The following PTPRM variants were observed in gnomAD, a reference collection of about 807,000 sequenced individuals.
PTPRM encodes protein tyrosine phosphatase receptor type M.
In PTPRM, 47 loss-of-function variants were observed where a neutral mutation model predicts 186.7. The ratio of observed to expected loss-of-function variants is 0.25; its 90% CI spans 0.20 to 0.32. The LOEUF (loss-of-function observed/expected upper bound fraction) is 0.32. Among genes scored for constraint, PTPRM ranks in the 10% least tolerant of loss-of-function variants. PTPRM has a pLI of 1.00. For missense variants in PTPRM, 1,494 were observed against 1,865.0 expected (o/e 0.80, Z 3.66); for synonymous variants, 668 against 674.9 (o/e 0.99, Z 0.16).
At chr18:7,617,072 G>T (rs950652439) in intron 1 of PTPRM, among the ~76,000 whole-genome samples, 1 of 152,154 alleles carries the variant, frequency 6.6e-6, no homozygotes, top group African/African-American at 2.4e-5. Flanking sequence ...CTTAGAAATA[G>T]AATTCACAGC....
At chr18:7,967,748 T>C (rs974420721) in intron 7 of PTPRM, among the ~76,000 whole-genome samples, 2 of 107,728 alleles carry the variant, frequency 1.9e-5, no homozygotes. Flanking sequence ...AGAAGGGAAG[T>C]TTAGAGAAAA....
At chr18:7,912,208 T>C (rs898022356) in intron 4 of PTPRM, among the ~76,000 whole-genome samples, 1 of 152,210 alleles carries the variant, frequency 6.6e-6, no homozygotes, top group African/African-American at 2.4e-5. Flanking sequence ...TATTTGTGTA[T>C]GCTGTAAGAA....
At chr18:8,192,675 G>A (rs760115850) in intron 14 of PTPRM, among the ~76,000 whole-genome samples, 9 of 152,084 alleles carry the variant, frequency 5.9e-5, no homozygotes, top group Non-Finnish European at 1.2e-4. Context: ...TGTAATGCCA[G>A]GAAATAAATG....
chr18:7,809,143 G>A (rs374747811), intron 2 of PTPRM, among the ~76,000 whole-genome samples: 1 of 152,264 alleles, frequency 6.6e-6, no homozygotes, highest in Non-Finnish European at 1.5e-5. Flanking sequence ...TTCCCATGAG[G>A]CTTCTAGCCT....
Position 7,926,697 on chromosome 18 carries a change from T to G in PTPRM, c.663+14T>G, listed in dbSNP as rs767442253. 1.3e-6 allele frequency: 2 copies of G among 1,593,968 alleles called. No individual in the cohort carries two copies. The highest frequency in any genetic ancestry group is 2.2e-5 in the South Asian group (2 of 89,046). On this transcript the variant is annotated intron_variant, in intron 5 of 32. Coordinates refer to ENST00000580170, the MANE Select transcript of PTPRM (RefSeq NM_001105244.2). The stretch of plus-strand genomic sequence containing the variant: ...CTCTGGTTACAGGTACAGTAACTCA[T>G]TTTCATCAGTTGATGAGAGTCCAGC...
intron 7 of PTPRM, among the ~76,000 whole-genome samples, chr18:7,982,906 A>G (rs2147472970): frequency 6.6e-6 from 1 of 152,176 alleles, no homozygotes; most frequent in South Asian, 2.1e-4. Flanking sequence ...AGCTTCTACA[A>G]GGATTGTGAG....
intron 13 of PTPRM, among the ~76,000 whole-genome samples, chr18:8,126,792 A>T (rs2145887027): frequency 6.6e-6 from 1 of 152,302 alleles, no homozygotes. Context: ...TTTACTGAAC[A>T]TTAGCTTAGT....
At chr18:7,958,207 CAAAAAAA>C (rs534178363) in intron 7 of PTPRM, among the ~76,000 whole-genome samples, 104 of 115,278 alleles carry the variant, frequency 9.0e-4, no homozygotes, top group Admixed American at 2.7e-4. Flanking sequence ...CCATCCCCTG[CAAAAAAA>C]AAAAAAAAAA....
intron 22 of PTPRM, among the ~76,000 whole-genome samples, chr18:8,330,899 A>T (rs1005156758): frequency 2.0e-5 from 3 of 152,104 alleles, no homozygotes; most frequent in Admixed American, 1.3e-4. Context: ...GGTCTGTCCC[A>T]GGGATCAGGG....
intron 1 of PTPRM, among the ~76,000 whole-genome samples, chr18:7,769,114 C>T (rs749195558): frequency 5.9e-5 from 9 of 152,070 alleles, no homozygotes; most frequent in Admixed American, 1.3e-4. Flanking sequence ...GAACTCTGTT[C>T]ATTAACTTCC....
At chr18:7,820,052 T>G (rs1159304634) in intron 2 of PTPRM, among the ~76,000 whole-genome samples, 1 of 152,206 alleles carries the variant, frequency 6.6e-6, no homozygotes, top group Non-Finnish European at 1.5e-5. Flanking sequence ...TAAATACTTT[T>G]GCTTTATCTT....
chr18:7,911,485 T>G (rs1320909997), intron 4 of PTPRM, among the ~76,000 whole-genome samples: 7 of 152,254 alleles, frequency 4.6e-5, no homozygotes, highest in Non-Finnish European at 1.0e-4. Flanking sequence ...TGACTAATGA[T>G]GTTGAGCATC....
intron 11 of PTPRM, among the ~76,000 whole-genome samples, chr18:8,106,955 C>T (rs541538873): frequency 9.5e-4 from 145 of 152,186 alleles, no homozygotes; most frequent in African/African-American, 3.3e-3. Context: ...TGGAACTTTT[C>T]GGGACTGAAA....
intron 2 of PTPRM, among the ~76,000 whole-genome samples, chr18:7,834,630 T>C (rs2045943002): frequency 6.6e-6 from 1 of 150,560 alleles, no homozygotes; most frequent in African/African-American, 2.4e-5. Context: ...AAAGAATGAG[T>C]TTGGAAGTAC....
At chr18:7,600,239 A>AAATGAGGT (rs1422868012) in intron 1 of PTPRM, among the ~76,000 whole-genome samples, 1 of 152,206 alleles carries the variant, frequency 6.6e-6, no homozygotes. Flanking sequence ...TGCGAGGACC[A>AAATGAGGT]AATGAGGTAA....
At chr18:8,086,009 ACTCACAGC>A in intron 10 of PTPRM, 137 bp downstream of exon 10, 1 of 790,662 alleles carries the variant, frequency 1.3e-6, no homozygotes, top group Non-Finnish European at 2.1e-6. Flanking sequence ...TGAAGCTCAG[ACTCACAGC>A]TTTAAATGAA....
intron 19 of PTPRM, among the ~76,000 whole-genome samples, chr18:8,254,463 G>A (rs2094556227): frequency 6.6e-6 from 1 of 152,198 alleles, no homozygotes; most frequent in African/African-American, 2.4e-5. Context: ...CGCAGTCATT[G>A]ATGAAGTTAA....
intron 3 of PTPRM, among the ~76,000 whole-genome samples, chr18:7,905,130 A>G (rs1438810625): frequency 6.6e-6 from 1 of 152,126 alleles, no homozygotes; most frequent in Non-Finnish European, 1.5e-5. Context: ...AGTAGCTGGG[A>G]TTACAGGCGT....
At chr18:7,684,600 T>A (rs1278147760) in intron 1 of PTPRM, among the ~76,000 whole-genome samples, 4 of 152,226 alleles carry the variant, frequency 2.6e-5, no homozygotes, top group Non-Finnish European at 5.9e-5. Context: ...CATACGCTAT[T>A]TGTCCTTTTG....
Sources: gnomAD v4.1 joint callset for allele counts (sites outside exome capture counted in the v4.1 genomes callset) on GRCh38, gnomAD v4.1.1 for gene constraint, MANE v1.5 for transcripts, NCBI Gene and HGNC (gene_info 2026-07-23, HGNC 2026-07-21) for gene names.